The following SYNPR variants were observed in gnomAD, a reference collection of about 807,000 sequenced individuals.
The protein encoded by SYNPR is synaptoporin.
A neutral mutation model predicts 32.9 loss-of-function variants in SYNPR; 23 were observed. The observed-to-expected ratio is 0.70, with a 90% CI of 0.50 to 0.99. The LOEUF (loss-of-function observed/expected upper bound fraction) is 0.99. Among genes scored for constraint, SYNPR ranks in the 50% least tolerant of loss-of-function variants. The pLI is 0.00. For synonymous variants in SYNPR, 146 were observed against 135.9 expected (o/e 1.07, Z -0.52); for missense variants, 318 against 349.3 (o/e 0.91, Z 0.71).
At chr3:63,468,130 G>A (rs1489203521) in intron 2 of SYNPR, among the ~76,000 whole-genome samples, 2 of 149,364 alleles carry the variant, frequency 1.3e-5, no homozygotes, top group African/African-American at 2.5e-5. Flanking sequence ...GGAGGTGGAG[G>A]TTGCAGTGAG....
At chr3:63,257,451 T>G (rs1370298119) in intron 2 of SYNPR, among the ~76,000 whole-genome samples, 1 of 152,094 alleles carries the variant, frequency 6.6e-6, no homozygotes, top group Non-Finnish European at 1.5e-5. Flanking sequence ...ACCCAGAATT[T>G]CATATCCAGC....
At chr3:63,339,137 G>A (rs1309507883) in intron 2 of SYNPR, among the ~76,000 whole-genome samples, 13 of 152,122 alleles carry the variant, frequency 8.5e-5, no homozygotes, top group Admixed American at 7.9e-4. Flanking sequence ...ATAAATGAAT[G>A]AATGAAATAA....
intron 4 of SYNPR, among the ~76,000 whole-genome samples, chr3:63,601,062 C>T (rs1015249262): frequency 1.6e-4 from 25 of 152,084 alleles, no homozygotes; most frequent in African/African-American, 5.8e-4. Flanking sequence ...CACCTGAGGT[C>T]GGGAGTTTGA....
chr3:63,345,636 T>C lies in SYNPR; in HGVS notation c.84+66894T>C, dbSNP rs917766268. 4.6e-5 allele frequency among the ~76,000 whole-genome samples: 7 copies of C among 152,076 alleles called. No homozygotes were observed. The South Asian group carries it at 6.2e-4, about 13-fold the overall frequency. The stretch of plus-strand genomic sequence containing the variant: ...CCTCTCTTCTCCTGCTGGTCTCGCA[T>C]TGGCTGACTCCAACCCCAACCAGAG... On this transcript the variant is annotated intron_variant, in intron 2 of 5. Transcript: ENST00000478300.
chr3:63,420,803 T>C (rs1699782190), intron 2 of SYNPR, among the ~76,000 whole-genome samples: 1 of 152,170 alleles, frequency 6.6e-6, no homozygotes, highest in South Asian at 2.1e-4. Flanking sequence ...GTATTCAGAA[T>C]GTTTAAAGAA....
chr3:63,604,133 GT>G (rs1700083741), intron 4 of SYNPR, among the ~76,000 whole-genome samples: 1 of 152,126 alleles, frequency 6.6e-6, no homozygotes, highest in African/African-American at 2.4e-5. Context: ...GCGTATAGAG[GT>G]TTTCATAGTA....
intron 2 of SYNPR, among the ~76,000 whole-genome samples, chr3:63,358,668 G>A (rs2087616961): frequency 6.6e-6 from 1 of 151,914 alleles, no homozygotes; most frequent in Admixed American, 6.6e-5. Flanking sequence ...CAGTTGCGTG[G>A]AGGGACTGCA....
chr3:63,259,270 A>G (rs2086416698), intron 2 of SYNPR, among the ~76,000 whole-genome samples: 1 of 152,202 alleles, frequency 6.6e-6, no homozygotes, highest in Admixed American at 6.5e-5. Flanking sequence ...ACTCAACAAA[A>G]AAAAGAGAAT....
intron 5 of SYNPR, 30 bp downstream of exon 5, chr3:63,609,346 T>C: frequency 6.9e-7 from 1 of 1,457,574 alleles, no homozygotes; most frequent in South Asian, 1.5e-5. Context: ...GCTTTACTGT[T>C]CATATCTTTG....
chr3:63,334,331 AGAGTAT>A (rs1356664114), intron 2 of SYNPR, among the ~76,000 whole-genome samples: 1 of 152,192 alleles, frequency 6.6e-6, no homozygotes, highest in Non-Finnish European at 1.5e-5. Context: ...CCACCTGGAG[AGAGTAT>A]GACTTGGGTG....
rs139949708 is a variant in SYNPR at position 63,557,372 on chromosome 3, T to G, written c.408+631T>G. Among the ~76,000 whole-genome samples the G allele has an allele frequency of 2.4e-3, 366 of 152,328 alleles. 1 individual carries two copies. Among genetic ancestry groups the G allele is most frequent in the African/African-American group, 8.3e-3 (344 of 41,586 alleles). ...AAACTCTATCTTCCCGAGAATGCCC[T>G]GTATCTAAAATATTTTACTGTCATC... On this transcript the variant is annotated intron_variant, in intron 4 of 5. Transcript: ENST00000478300.
chr3:63,404,309 T>C (rs2088330608), intron 2 of SYNPR, among the ~76,000 whole-genome samples: 1 of 152,214 alleles, frequency 6.6e-6, no homozygotes, highest in Non-Finnish European at 1.5e-5. Context: ...GAGCAGCCTG[T>C]TACTAAGGAA....
chr3:63,287,246 T>C (rs1339282631), intron 2 of SYNPR, among the ~76,000 whole-genome samples: 1 of 152,208 alleles, frequency 6.6e-6, no homozygotes, highest in Non-Finnish European at 1.5e-5. Flanking sequence ...CATTTCTTGA[T>C]GTTTTAGGGG....
chr3:63,559,413 C>T (rs112169782), intron 4 of SYNPR, among the ~76,000 whole-genome samples: 1 of 152,128 alleles, frequency 6.6e-6, no homozygotes, highest in Admixed American at 6.5e-5. Context: ...ACTTTATTTG[C>T]AACTGTTTGA....
At chr3:63,566,392 A>G (rs945286009) in intron 4 of SYNPR, among the ~76,000 whole-genome samples, 7 of 152,148 alleles carry the variant, frequency 4.6e-5, no homozygotes, top group African/African-American at 7.2e-5. Flanking sequence ...TTGTTTTTCA[A>G]TGAAACAAAA....
At chr3:63,378,212 T>G (rs2087918895) in intron 2 of SYNPR, among the ~76,000 whole-genome samples, 1 of 152,006 alleles carries the variant, frequency 6.6e-6, no homozygotes, top group Non-Finnish European at 1.5e-5. Context: ...TAAATAACAT[T>G]CAATTATACA....
chr3:63,233,685 T>C (rs1372264618), intron 1 of SYNPR, among the ~76,000 whole-genome samples: 1 of 150,448 alleles, frequency 6.6e-6, no homozygotes, highest in Non-Finnish European at 1.5e-5. Context: ...AAAAGAATAA[T>C]ACTACGTAAA....
chr3:63,437,265 G>T (rs1700100778), intron 2 of SYNPR, among the ~76,000 whole-genome samples: 1 of 152,032 alleles, frequency 6.6e-6, no homozygotes, highest in Non-Finnish European at 1.5e-5. Flanking sequence ...CCTGGCAAAG[G>T]GTATCACTCT....
chr3:63,600,107 T>C (rs1192133253), intron 4 of SYNPR, among the ~76,000 whole-genome samples: 1 of 152,200 alleles, frequency 6.6e-6, no homozygotes, highest in African/African-American at 2.4e-5. Context: ...ATAAGGAAAG[T>C]ATTTAAGCTG....
Sources: gnomAD v4.1 joint callset for allele counts (sites outside exome capture counted in the v4.1 genomes callset) on GRCh38, gnomAD v4.1.1 for gene constraint, MANE v1.5 for transcripts, NCBI Gene and HGNC (gene_info 2026-07-23, HGNC 2026-07-21) for gene names.